Variants in ABAT observed in about 807,000 individuals in gnomAD.
ABAT encodes the protein 4-aminobutyrate aminotransferase, mitochondrial.
ABAT carries 45 observed loss-of-function variants against 64.6 expected under a neutral mutation model. The ratio of observed to expected loss-of-function variants is 0.70; its 90% CI spans 0.55 to 0.89. The LOEUF (loss-of-function observed/expected upper bound fraction) is 0.89. ABAT is among the 40% of genes least tolerant of loss of function. ABAT has a pLI of 0.00. For missense variants in ABAT, 633 were observed against 658.4 expected (o/e 0.96, Z 0.42); for synonymous variants, 297 against 250.5 (o/e 1.19, Z -1.75).
At chr16:8,739,984 C>T (rs897131418) in intron 2 of ABAT, among the ~76,000 whole-genome samples, 2 of 151,410 alleles carry the variant, frequency 1.3e-5, no homozygotes, top group African/African-American at 4.9e-5. Flanking sequence ...TACAGGAATA[C>T]GTGTACTCTC....
intron 5 of ABAT, among the ~76,000 whole-genome samples, chr16:8,753,304 C>G (rs987031065): frequency 6.6e-6 from 1 of 152,038 alleles, no homozygotes; most frequent in Admixed American, 6.6e-5. Flanking sequence ...ACCGTGTTAG[C>G]CAGGATGGTC....
intron 1 of ABAT, among the ~76,000 whole-genome samples, chr16:8,735,009 A>G (rs534343560): frequency 6.7e-6 from 1 of 149,514 alleles, no homozygotes; most frequent in South Asian, 2.1e-4. Flanking sequence ...GAAGTTCAAG[A>G]CCAAACTAGC....
intron 1 of ABAT, among the ~76,000 whole-genome samples, chr16:8,707,864 C>G (rs975951496): frequency 1.3e-5 from 2 of 152,148 alleles, no homozygotes; most frequent in Non-Finnish European, 2.9e-5. Flanking sequence ...GCCACTGCAC[C>G]CGGCCAGGAG....
At chr16:8,735,355 G>A (rs1387250155) in intron 1 of ABAT, among the ~76,000 whole-genome samples, 2 of 151,958 alleles carry the variant, frequency 1.3e-5, no homozygotes, top group African/African-American at 2.4e-5. Flanking sequence ...GGGCTCAAGC[G>A]ATCCTACCAC....
chr16:8,772,092 T>C (rs1201422201), intron 11 of ABAT, among the ~76,000 whole-genome samples: 1 of 152,166 alleles, frequency 6.6e-6, no homozygotes, highest in Non-Finnish European at 1.5e-5. Flanking sequence ...ACCGAGGATA[T>C]ATCTCCGATT....
At chr16:8,729,441 CT>C (rs952653358) in intron 1 of ABAT, among the ~76,000 whole-genome samples, 43 of 152,314 alleles carry the variant, frequency 2.8e-4, no homozygotes, top group African/African-American at 1.0e-3. Context: ...CTCTCTGAGC[CT>C]CCCTTTTATC....
chr16:8,725,654 G>A (rs1183074987), intron 1 of ABAT, among the ~76,000 whole-genome samples: 3 of 152,054 alleles, frequency 2.0e-5, no homozygotes, highest in Non-Finnish European at 2.9e-5. Flanking sequence ...ACCTTTCGGC[G>A]CTTGTGAATA....
chr16:8,762,968 G>A (rs1273061535), intron 6 of ABAT, among the ~76,000 whole-genome samples: 3 of 151,964 alleles, frequency 2.0e-5, no homozygotes, highest in Non-Finnish European at 2.9e-5. Flanking sequence ...AATTAGCTGG[G>A]TGCGGTGGCA....
Position 8,757,752 on chromosome 16 carries a change from C to G in ABAT, c.317-5C>G, listed in dbSNP as rs781499078. 89 of 1,613,884 alleles carry G rather than the reference C, an allele frequency of 5.5e-5. No individual in the cohort carries two copies. Among genetic ancestry groups the G allele is most frequent in the Non-Finnish European group, 7.5e-5 (89 of 1,179,914 alleles). On this transcript the variant is annotated splice_polypyrimidine_tract_variant and splice_region_variant and intron_variant, in intron 5 of 15. Transcript: ENST00000268251. ...AGGTCTCTAACAATACTCTCCTGCC[C>G]TCAGGTTACAGCCACCCCGCCCTGC...
chr16:8,763,932 C>T, intron 6 of ABAT, 137 bp from the exon 7 acceptor site: 3 of 750,746 alleles, frequency 4.0e-6, no homozygotes, highest in Admixed American at 3.9e-5. Context: ...GGCCATGCCC[C>T]ACGCTGACAG....
intron 8 of ABAT, 43 bp from the exon 9 acceptor site, chr16:8,766,165 C>T (rs994594451): frequency 1.9e-6 from 3 of 1,577,596 alleles, no homozygotes; most frequent in African/African-American, 2.7e-5. Flanking sequence ...GCCCCGACTA[C>T]CCCAGAGCAT....
At chr16:8,719,893 C>T (rs1195566702) in intron 1 of ABAT, among the ~76,000 whole-genome samples, 1 of 152,232 alleles carries the variant, frequency 6.6e-6, no homozygotes. Context: ...CTCACTGCAA[C>T]ATTCGGTTCT....
At chr16:8,724,747 A>G (rs1465672612) in intron 1 of ABAT, among the ~76,000 whole-genome samples, 2 of 6,172 alleles carry the variant, frequency 3.2e-4, no homozygotes, top group African/African-American at 1.3e-3. Context: ...AAAAAAAAAC[A>G]AAAAAAAAAA....
At chr16:8,778,671 A>G (rs1276916356) in intron 14 of ABAT, among the ~76,000 whole-genome samples, 1 of 151,938 alleles carries the variant, frequency 6.6e-6, no homozygotes, top group Non-Finnish European at 1.5e-5. Flanking sequence ...CCAGGTATTT[A>G]GGAGGCTGAA....
At chr16:8,745,933 C>A in intron 2 of ABAT, 68 bp from the exon 3 acceptor site, 1 of 1,466,332 alleles carries the variant, frequency 6.8e-7, no homozygotes, top group Non-Finnish European at 9.5e-7. Context: ...CATTGGGCAT[C>A]TGTCAGGGCA....
At chr16:8,775,665 C>G (rs564791582) in intron 13 of ABAT, among the ~76,000 whole-genome samples, 1 of 152,286 alleles carries the variant, frequency 6.6e-6, no homozygotes, top group Non-Finnish European at 1.5e-5. Flanking sequence ...AAAATGGCTT[C>G]TGATGCTCCA....
chr16:8,694,245 A>G (rs1188949266), intron 1 of ABAT, among the ~76,000 whole-genome samples: 2 of 149,046 alleles, frequency 1.3e-5, no homozygotes, highest in Non-Finnish European at 3.0e-5. Flanking sequence ...GTTAGCCAGA[A>G]TGGTCTCGAT....
Position 8,772,789 on chromosome 16 carries a change from CTGAT to C in ABAT, c.829_832del (p.Ile277Ter). ...CCCCTTTGGGATCCAGGTGGAGGAT[CTGAT>C]TGTGAAATATCGGAAAAAGAAGAAG... On this transcript the variant is annotated frameshift_variant, in exon 12 of 16. Coordinates refer to ENST00000268251, the MANE Select transcript of ABAT (RefSeq NM_020686.6). LOFTEE classifies it high-confidence loss of function. 5.0e-6 allele frequency: 8 copies of C among 1,614,156 alleles called. No individual in the cohort carries two copies. Among genetic ancestry groups the C allele is most frequent in the Non-Finnish European group, 6.8e-6 (8 of 1,180,038 alleles).
chr16:8,734,548 G>C (rs1222361391), intron 1 of ABAT, among the ~76,000 whole-genome samples: 3 of 152,146 alleles, frequency 2.0e-5, no homozygotes, highest in Non-Finnish European at 4.4e-5. Context: ...TCTGTAAAAA[G>C]ACCATGGAGC....
Sources: gnomAD v4.1 joint callset for allele counts (sites outside exome capture counted in the v4.1 genomes callset) on GRCh38, gnomAD v4.1.1 for gene constraint, MANE v1.5 for transcripts, NCBI Gene and HGNC (gene_info 2026-07-23, HGNC 2026-07-21) for gene names.